The following KCNH8 variants were observed in gnomAD, a reference collection of about 807,000 sequenced individuals.
The protein encoded by KCNH8 is voltage-gated delayed rectifier potassium channel KCNH8.
In KCNH8, 70 loss-of-function variants were observed where a neutral mutation model predicts 103.6. The observed-to-expected ratio is 0.68, with a 90% CI of 0.56 to 0.82. The LOEUF (loss-of-function observed/expected upper bound fraction) is 0.82. KCNH8 is among the 40% of genes least tolerant of loss of function. KCNH8 has a pLI of 0.00. For missense variants in KCNH8, 1,217 were observed against 1,329.9 expected (o/e 0.92, Z 1.32); for synonymous variants, 498 against 489.4 (o/e 1.02, Z -0.23).
At chr3:19,252,285 C>T (rs2064288848) in intron 1 of KCNH8, among the ~76,000 whole-genome samples, 1 of 152,154 alleles carries the variant, frequency 6.6e-6, no homozygotes, top group African/African-American at 2.4e-5. Flanking sequence ...TTTCTAAGCA[C>T]TTAATAATAG....
intron 3 of KCNH8, among the ~76,000 whole-genome samples, chr3:19,306,259 A>G (rs2065128952): frequency 6.6e-6 from 1 of 152,144 alleles, no homozygotes; most frequent in Non-Finnish European, 1.5e-5. Context: ...ATTTCCTAAA[A>G]TCTTACAAAA....
rs141479382 is a variant in KCNH8 at position 19,360,156 on chromosome 3, T to C, written c.811+12191T>C. On this transcript the variant is annotated intron_variant, in intron 5 of 15. Coordinates refer to ENST00000328405, the MANE Select transcript of KCNH8 (RefSeq NM_144633.3). Reference sequence around the variant, plus strand: ...ACAATGTGGCAAGACTCAATCAAATTTGAAATGCACATACCCTAGGATTCA... The same window carrying C: ...ACAATGTGGCAAGACTCAATCAAATCTGAAATGCACATACCCTAGGATTCA... 4.6e-5 allele frequency among the ~76,000 whole-genome samples: 7 copies of C among 152,184 alleles called. No homozygotes were observed. The East Asian group carries it at 1.4e-3, about 29-fold the overall frequency.
At chr3:19,464,718 G>A (rs930873804) in intron 11 of KCNH8, among the ~76,000 whole-genome samples, 2 of 152,038 alleles carry the variant, frequency 1.3e-5, no homozygotes, top group African/African-American at 2.4e-5. Context: ...TGAGGAAAAC[G>A]ATCAGGCACT....
intron 5 of KCNH8, among the ~76,000 whole-genome samples, chr3:19,350,481 G>A (rs978084528): frequency 1.3e-5 from 2 of 152,124 alleles, no homozygotes; most frequent in African/African-American, 2.4e-5. Context: ...CTTCCCAGTA[G>A]GGGCCAACTG....
intron 11 of KCNH8, among the ~76,000 whole-genome samples, chr3:19,503,337 A>C (rs1026923224): frequency 1.3e-5 from 2 of 152,206 alleles, no homozygotes; most frequent in Non-Finnish European, 2.9e-5. Context: ...GTGGGACTGC[A>C]ACCTAGTTCA....
intron 7 of KCNH8, among the ~76,000 whole-genome samples, chr3:19,431,502 A>T (rs1374393092): frequency 6.6e-6 from 1 of 152,182 alleles, no homozygotes; most frequent in Non-Finnish European, 1.5e-5. Context: ...CTCCTTAGGA[A>T]GTAGTCCCTT....
chr3:19,264,403 G>A (rs538541351), intron 2 of KCNH8, among the ~76,000 whole-genome samples: 1 of 152,206 alleles, frequency 6.6e-6, no homozygotes, highest in African/African-American at 2.4e-5. Flanking sequence ...CTCTGAGAGA[G>A]CCTATTCTTT....
intron 1 of KCNH8, among the ~76,000 whole-genome samples, chr3:19,154,039 A>G (rs976745260): frequency 6.6e-6 from 1 of 152,252 alleles, no homozygotes; most frequent in African/African-American, 2.4e-5. Flanking sequence ...GGGGCAATGT[A>G]ACATGCACAA....
intron 1 of KCNH8, 30 bp from the exon 2 acceptor site, chr3:19,253,624 G>A (rs779187063): frequency 2.8e-5 from 42 of 1,481,578 alleles, no homozygotes; most frequent in Non-Finnish European, 4.0e-5. Context: ...TTATCTAGTT[G>A]CTGAGTATCT....
At chr3:19,394,640 C>T (rs1230840988) in intron 6 of KCNH8, among the ~76,000 whole-genome samples, 1 of 151,986 alleles carries the variant, frequency 6.6e-6, no homozygotes, top group Non-Finnish European at 1.5e-5. Context: ...AAAAAATAAT[C>T]TCTAAGGTAT....
chr3:19,315,649 C>T (rs1237520656), intron 3 of KCNH8, among the ~76,000 whole-genome samples: 1 of 151,868 alleles, frequency 6.6e-6, no homozygotes, highest in African/African-American at 2.4e-5. Context: ...TATGTTGGCC[C>T]ATCTGGAATG....
intron 1 of KCNH8, among the ~76,000 whole-genome samples, chr3:19,205,204 T>C (rs112665212): frequency 0.028 from 4,223 of 152,082 alleles, 202 homozygotes; most frequent in African/African-American, 0.095. Flanking sequence ...AATGCATATT[T>C]TTAATATATT....
chr3:19,365,847 T>C (rs969784959), intron 5 of KCNH8, among the ~76,000 whole-genome samples: 2 of 152,024 alleles, frequency 1.3e-5, no homozygotes, highest in African/African-American at 4.8e-5. Flanking sequence ...ACGCAAAGTA[T>C]AATTGAGAAT....
rs564496247 is a variant in KCNH8 at position 19,355,006 on chromosome 3, A to G, written c.811+7041A>G. On this transcript the variant is annotated intron_variant, in intron 5 of 15. Coordinates refer to ENST00000328405, the MANE Select transcript of KCNH8 (RefSeq NM_144633.3). ...ATCTGACAAAGGGCTAATATCCAGA[A>G]TCTACAAGAAACTCAAACAAATTTA... 5.9e-5 allele frequency among the ~76,000 whole-genome samples: 9 copies of G among 152,352 alleles called. No homozygotes were observed. The South Asian group carries it at 1.9e-3, about 32-fold the overall frequency.
chr3:19,410,744 A>C (rs1278018886), intron 7 of KCNH8, among the ~76,000 whole-genome samples: 2 of 152,038 alleles, frequency 1.3e-5, no homozygotes, highest in Non-Finnish European at 2.9e-5. Context: ...TGTGGACACA[A>C]ACTAAAAATC....
At chr3:19,460,979 T>G (rs1003778033) in intron 11 of KCNH8, among the ~76,000 whole-genome samples, 1 of 152,342 alleles carries the variant, frequency 6.6e-6, no homozygotes, top group African/African-American at 2.4e-5. Flanking sequence ...CCAGCCATGC[T>G]GAACTGTGAC....
At chr3:19,233,100 T>C (rs922407465) in intron 1 of KCNH8, among the ~76,000 whole-genome samples, 3 of 121,482 alleles carry the variant, frequency 2.5e-5, no homozygotes, top group Non-Finnish European at 4.8e-5. Flanking sequence ...AGCTGTTATC[T>C]TAAATGGCAG....
chr3:19,493,553 C>T (rs2068372103), intron 11 of KCNH8, among the ~76,000 whole-genome samples: 1 of 152,060 alleles, frequency 6.6e-6, no homozygotes, highest in Admixed American at 6.6e-5. Flanking sequence ...TGAGGCCTCC[C>T]CAGCCAAGCA....
chr3:19,204,334 A>T (rs74391879), intron 1 of KCNH8, among the ~76,000 whole-genome samples: 3,969 of 152,048 alleles, frequency 0.026, 176 homozygotes, highest in African/African-American at 0.089. Flanking sequence ...CTGGATAAGA[A>T]CCCCTACACA....
Sources: gnomAD v4.1 joint callset for allele counts (sites outside exome capture counted in the v4.1 genomes callset) on GRCh38, gnomAD v4.1.1 for gene constraint, MANE v1.5 for transcripts, NCBI Gene and HGNC (gene_info 2026-07-23, HGNC 2026-07-21) for gene names.